Variants in TMEM121B observed in about 807,000 individuals in gnomAD.
TMEM121B encodes transmembrane protein 121B.
A neutral mutation model predicts 25.1 loss-of-function variants in TMEM121B; 14 were observed. The ratio of observed to expected loss-of-function variants is 0.56; its 90% CI spans 0.37 to 0.87. TMEM121B has a LOEUF of 0.87. Among genes scored for constraint, TMEM121B ranks in the 40% least tolerant of loss-of-function variants. TMEM121B has a pLI of 0.00. For synonymous variants in TMEM121B, 458 were observed against 420.9 expected (o/e 1.09, Z -1.08); for missense variants, 850 against 854.6 (o/e 0.99, Z 0.07).
rs764730634 is a variant in TMEM121B, at chr22:17,119,693, C to T, written c.1435G>A (p.Val479Met). ...LRLLGGCLVD[V>M]PLLALRCLLV... is the part of the protein sequence containing the mutation. ...AGGCAGCGCAGCGCCAGCAAGGGCA[C>T]GTCCACCAGGCAGCCGCCCAGCAGG... is the stretch of plus-strand genomic sequence containing the variant. The change falls in exon 1 of 1, where the codon GTG (valine) becomes ATG (methionine). Residue 479 changes from valine (V) to methionine (M), a missense_variant. Coordinates refer to ENST00000331437, the MANE Select transcript of TMEM121B (RefSeq NM_031890.4). 3 of 1,541,978 alleles carry T rather than the reference C, an allele frequency of 1.9e-6. No homozygotes were observed. In the African/African-American group the frequency reaches 4.1e-5, roughly 21 times the overall value.
At position 17,116,975 on chromosome 22, in the gene TMEM121B, C is replaced by CA. The variant is rs1344877427; in HGVS notation, c.*2415dup. The CA allele has an allele frequency of 6.6e-6, 1 of 152,388 alleles. No homozygotes were observed. Among genetic ancestry groups the CA allele is most frequent in the African/African-American group, 2.4e-5 (1 of 41,440 alleles). The allele number at this position is 152,388 out of a possible 1,614,324, so 9.4% of individuals were successfully genotyped here. A position where few individuals can be genotyped will look rare whatever the true frequency, so the allele number is the denominator to read the frequency against. On this transcript the variant is annotated 3_prime_UTR_variant, in exon 1 of 1. Transcript: ENST00000331437. ...TCACAGCCTCCCACCAAAAACCTAA[C>CA]AAACAGTACAGAGATTTTACAGTCA...
At position 17,121,271 on chromosome 22, in the gene TMEM121B, G is replaced by C; in HGVS notation, c.-144C>G. On this transcript the variant is annotated 5_prime_UTR_variant, in exon 1 of 1. In the 5' UTR this introduces an upstream ATG that the reference lacks. Coordinates refer to ENST00000331437, the MANE Select transcript of TMEM121B (RefSeq NM_031890.4). ...TCGCACCTGGGCCGGGCGGCGGCGA[G>C]ATCCGGACTGGAGCCACTGGACTGG... 9 of 807,932 alleles carry C rather than the reference G, an allele frequency of 1.1e-5. No individual in the cohort carries two copies. Among genetic ancestry groups the C allele is most frequent in the Non-Finnish European group, 1.5e-5 (9 of 603,422 alleles). The allele number at this position is 807,932 out of a possible 1,614,324, so 50.0% of individuals were successfully genotyped here.
Position 17,121,059 on chromosome 22 carries a change from T to G in TMEM121B, c.69A>C (p.Ala23=). ...GGAAGAGGGGCTGCAGCCGGGCGGC[T>G]GCCGGGGGCGGCGGGAAGGAACCGG... ...SASGSFPPPP[A]AARLQPLFLR... is the part of the protein sequence containing the mutation. The change falls in exon 1 of 1, where the codon GCA becomes GCC. Residue 23 remains alanine (A), a synonymous_variant. Transcript: ENST00000331437. 5 of 1,454,074 alleles carry G rather than the reference T, an allele frequency of 3.4e-6. No homozygotes were observed. The highest frequency in any genetic ancestry group is 4.5e-6 in the Non-Finnish European group (5 of 1,105,064). 90.1% of individuals were successfully genotyped at this position (1,454,074 alleles called of 1,614,324 possible).
chr22:17,120,575 C>T lies in TMEM121B; in HGVS notation c.553G>A (p.Gly185Ser). The T allele has an allele frequency of 2.0e-6, 3 of 1,471,914 alleles. No homozygotes were observed. Among genetic ancestry groups the T allele is most frequent in the South Asian group, 1.3e-5 (1 of 78,044 alleles). The allele number at this position is 1,471,914 out of a possible 1,614,324, so 91.2% of individuals were successfully genotyped here. The change falls in exon 1 of 1, where the codon GGT becomes AGT. Residue 185 changes from glycine to serine, a missense_variant. Transcript: ENST00000331437. ...CTGGGGGCGCAGCCGCGGCGCCGAC[C>T]TCTGCGGCCGGGGCGGTCTGGGCAG... ...CGCPDRPGRR[G>S]RRRGCAPSPR...
rs61741012 is a variant in TMEM121B at position 17,119,799 on chromosome 22, G to C, written c.1329C>G (p.Leu443=). The change falls in exon 1 of 1, where the codon CTC becomes CTG. Residue 443 remains leucine, a synonymous_variant. Coordinates refer to ENST00000331437, the MANE Select transcript of TMEM121B (RefSeq NM_031890.4). ...CTGCGGCCGCGGCGTTGAGCTCGTA[G>C]AGCCAGAGCACCGGCGAGGCGAGGG... The part of the protein sequence containing the change: ...FLTLASPVLW[L]YELNAAAAAA... 1 of 1,586,240 alleles carries C rather than the reference G, an allele frequency of 6.3e-7. No homozygotes were observed. Among genetic ancestry groups the C allele is most frequent in the Non-Finnish European group, 8.5e-7 (1 of 1,174,352 alleles).
In TMEM121B at chr22:17,121,041, G is replaced by A; in HGVS notation, c.87C>T (p.Pro29=). The A allele has an allele frequency of 6.8e-7, 1 of 1,463,994 alleles. No homozygotes were observed. Among genetic ancestry groups the A allele is most frequent in the Non-Finnish European group, 9.0e-7 (1 of 1,109,584 alleles). 90.7% of individuals were successfully genotyped at this position (1,463,994 alleles called of 1,614,324 possible). Residue 29 remains proline, a synonymous_variant, in exon 1 of 1, where the codon CCC becomes CCT. Coordinates refer to ENST00000331437, the MANE Select transcript of TMEM121B (RefSeq NM_031890.4). ...GGAAGGAGCCCCCGCGGAGGAAGAG[G>A]GGCTGCAGCCGGGCGGCTGCCGGGG... ...PPPPAAARLQ[P]LFLRGGSFRG...
chr22:17,119,257 G>A lies in TMEM121B; in HGVS notation c.*134C>T. The A allele has an allele frequency of 7.3e-7, 1 of 1,370,040 alleles. No individual in the cohort carries two copies. The highest frequency in any genetic ancestry group is 9.8e-7 in the Non-Finnish European group (1 of 1,015,998). 84.9% of individuals were successfully genotyped at this position (1,370,040 alleles called of 1,614,324 possible). On this transcript the variant is annotated 3_prime_UTR_variant, in exon 1 of 1. Coordinates refer to ENST00000331437, the MANE Select transcript of TMEM121B (RefSeq NM_031890.4). ...GCCGTCCTCACCCCAGGGTGCAGAA[G>A]AACACCCTGGCCCTTAGCCCTGAAA...
Position 17,117,463 on chromosome 22 carries a change from C to A in TMEM121B, c.*1928G>T, listed in dbSNP as rs1456504882. 1 of 152,654 alleles carries A rather than the reference C, an allele frequency of 6.6e-6. No homozygotes were observed. Among genetic ancestry groups the A allele is most frequent in the Non-Finnish European group, 1.5e-5 (1 of 68,068 alleles). The allele number at this position is 152,654 out of a possible 1,614,324, so 9.5% of individuals were successfully genotyped here. ...AAGGGTGTCTTCTGCTCCAAGCCCC[C>A]AAAACAGTTGTAAGAGGGGGCTTCA... On this transcript the variant is annotated 3_prime_UTR_variant, in exon 1 of 1. Coordinates refer to ENST00000331437, the MANE Select transcript of TMEM121B (RefSeq NM_031890.4).
At position 17,120,233 on chromosome 22, in the gene TMEM121B, C is replaced by G. The variant is rs535463176; in HGVS notation, c.895G>C (p.Gly299Arg). The G allele has an allele frequency of 7.8e-7, 1 of 1,281,760 alleles. No individual in the cohort carries two copies. The highest frequency in any genetic ancestry group is 9.8e-7 in the Non-Finnish European group (1 of 1,016,912). The allele number at this position is 1,281,760 out of a possible 1,614,324, so 79.4% of individuals were successfully genotyped here. Residue 299 changes from glycine (G) to arginine (R), a missense_variant, in exon 1 of 1, where the codon GGG (glycine) becomes CGG (arginine). By Grantham distance (125) the Gly-to-Arg change is moderately radical. Transcript: ENST00000331437. Reference sequence around the variant, plus strand: ...GCCGCGGCCGCCCCCAGGCCGCCCCCCGCGCCGCCGGCGCCCCCGCGGGCT... The same window carrying G: ...GCCGCGGCCGCCCCCAGGCCGCCCCGCGCGCCGCCGGCGCCCCCGCGGGCT... ...RGARGGAGGAGGGLGAAAAAG... is the reference protein window; with the variant it reads ...RGARGGAGGARGGLGAAAAAG...
rs764683551 is a variant in TMEM121B, at chr22:17,119,910, G to A, written c.1218C>T (p.Ser406=). The A allele has an allele frequency of 3.8e-6, 6 of 1,567,694 alleles. No individual in the cohort carries two copies. In the African/African-American group the frequency reaches 4.0e-5, roughly 11 times the overall value. The part of the protein sequence containing the change: ...FLGTCLDLLD[S]FTLVELMLEG... ...CCAGCATCAGCTCCACCAGCGTGAA[G>A]CTGTCGAGCAGGTCCAAGCACGTGC... Residue 406 remains serine, a synonymous_variant, in exon 1 of 1, where the codon AGC becomes AGT. Coordinates refer to ENST00000331437, the MANE Select transcript of TMEM121B (RefSeq NM_031890.4).
chr22:17,120,686 C>T lies in TMEM121B; in HGVS notation c.442G>A (p.Gly148Ser). The T allele has an allele frequency of 8.4e-7, 1 of 1,185,654 alleles. No individual in the cohort carries two copies. Among genetic ancestry groups the T allele is most frequent in the Non-Finnish European group, 1.0e-6 (1 of 959,232 alleles). 73.4% of individuals were successfully genotyped at this position (1,185,654 alleles called of 1,614,324 possible). A position where few individuals can be genotyped will look rare whatever the true frequency, so the allele number is the denominator to read the frequency against. Reference sequence around the variant, plus strand: ...CCCCCCGCCGAGCGGCTCCCGGGGCCCCCGACGGCCCCGGCCGCGGCGCCC... The same window carrying T: ...CCCCCCGCCGAGCGGCTCCCGGGGCTCCCGACGGCCCCGGCCGCGGCGCCC... ...GGGAAAGAVG[G>S]PGSRSAGGAG... is the part of the protein sequence containing the mutation. The change falls in exon 1 of 1, where the codon GGC becomes AGC. Residue 148 changes from glycine (G) to serine (S), a missense_variant. Physicochemically the swap from Gly to Ser is moderately conservative, Grantham distance 56. Coordinates refer to ENST00000331437, the MANE Select transcript of TMEM121B (RefSeq NM_031890.4).
chr22:17,116,329 G>T lies in TMEM121B; in HGVS notation c.*3062C>A, dbSNP rs1194024211. 1 of 152,480 alleles carries T rather than the reference G, an allele frequency of 6.6e-6. No homozygotes were observed. The highest frequency in any genetic ancestry group is 2.4e-5 in the African/African-American group (1 of 41,442). The allele number at this position is 152,480 out of a possible 1,614,324, so 9.4% of individuals were successfully genotyped here. A position where few individuals can be genotyped will look rare whatever the true frequency, so the allele number is the denominator to read the frequency against. On this transcript the variant is annotated 3_prime_UTR_variant, in exon 1 of 1. Transcript: ENST00000331437. The stretch of plus-strand genomic sequence containing the variant: ...TCTCAAGTTTTTTATTTTCAGAACA[G>T]AGTCTGGTTTTATTTTTAAAAAGAG...
Position 17,120,949 on chromosome 22 carries a change from C to T in TMEM121B, c.179G>A (p.Arg60Lys). The change falls in exon 1 of 1, where the codon AGA becomes AAA. Residue 60 changes from arginine to lysine, a missense_variant. Physicochemically the swap from Arg to Lys is conservative, Grantham distance 26. Transcript: ENST00000331437. ...CGGGGAGCCGCCGCCCCCGCCGCGT[C>T]TGCCGCCGCCTCCCCCGCGGCTGGT... ...TSTSRGGGGG[R>K]RGGGGGSPSS... 1.4e-6 allele frequency: 2 copies of T among 1,415,838 alleles called. No individual in the cohort carries two copies. Among genetic ancestry groups the T allele is most frequent in the Non-Finnish European group, 1.8e-6 (2 of 1,087,014 alleles). The allele number at this position is 1,415,838 out of a possible 1,614,324, so 87.7% of individuals were successfully genotyped here.
Position 17,120,740 on chromosome 22 carries a change from A to T in TMEM121B, c.388T>A (p.Cys130Ser), listed in dbSNP as rs2061495132. The T allele has an allele frequency of 9.1e-7, 1 of 1,100,888 alleles. No individual in the cohort carries two copies. The highest frequency in any genetic ancestry group is 1.1e-6 in the Non-Finnish European group (1 of 907,380). 68.2% of individuals were successfully genotyped at this position (1,100,888 alleles called of 1,614,324 possible). The change falls in exon 1 of 1, where the codon TGC becomes AGC. Residue 130 changes from cysteine to serine, a missense_variant. By Grantham distance (112) the Cys-to-Ser change is moderately radical. Transcript: ENST00000331437. ...CCGAAGTCCGCGGCTGTCATGCTGC[A>T]GGAGGAGGTGGGCGTGGAGGTGGAG... ...SSSTSTPTSS[C>S]SMTAADFGGG...
chr22:17,119,115 A>C lies in TMEM121B; in HGVS notation c.*276T>G. On this transcript the variant is annotated 3_prime_UTR_variant, in exon 1 of 1. Coordinates refer to ENST00000331437, the MANE Select transcript of TMEM121B (RefSeq NM_031890.4). ...GATGGGAATTAGAGTGGAGGTGGGC[A>C]AAGCAAGAAGCAGAGGTACCAGCCC... 1 of 398,990 alleles carries C rather than the reference A, an allele frequency of 2.5e-6. No individual in the cohort carries two copies. Among genetic ancestry groups the C allele is most frequent in the Non-Finnish European group, 4.5e-6 (1 of 221,982 alleles). 24.7% of individuals were successfully genotyped at this position (398,990 alleles called of 1,614,324 possible). A position where few individuals can be genotyped will look rare whatever the true frequency, so the allele number is the denominator to read the frequency against.
At position 17,120,457 on chromosome 22, in the gene TMEM121B, T is replaced by C; in HGVS notation, c.671A>G (p.Asp224Gly). 5.0e-6 allele frequency: 8 copies of C among 1,585,356 alleles called. No individual in the cohort carries two copies. Among genetic ancestry groups the C allele is most frequent in the Non-Finnish European group, 6.8e-6 (8 of 1,169,794 alleles). The stretch of plus-strand genomic sequence containing the variant: ...GGCGATCCAGGAGCACCAGTACAGG[T>C]CGGTGACGGCGATGAGGTACAGGTC... ...LLDLYLIAVT[D>G]LYWCSWIATD... The change falls in exon 1 of 1, where the codon GAC (aspartate) becomes GGC (glycine). Residue 224 changes from aspartate to glycine, a missense_variant. By Grantham distance (94) the Asp-to-Gly change is moderately conservative (BLOSUM62 -1). Transcript: ENST00000331437.
chr22:17,121,259 G>A lies in TMEM121B; in HGVS notation c.-132C>T, dbSNP rs1464284773. The A allele has an allele frequency of 3.3e-6, 3 of 909,492 alleles. No individual in the cohort carries two copies. The highest frequency in any genetic ancestry group is 4.3e-6 in the Non-Finnish European group (3 of 694,620). The allele number at this position is 909,492 out of a possible 1,614,324, so 56.3% of individuals were successfully genotyped here. Reference sequence around the variant, plus strand: ...AGCAGTGGGGACTCGCACCTGGGCCGGGCGGCGGCGAGATCCGGACTGGAG... The same window carrying A: ...AGCAGTGGGGACTCGCACCTGGGCCAGGCGGCGGCGAGATCCGGACTGGAG... On this transcript the variant is annotated 5_prime_UTR_variant, in exon 1 of 1. Coordinates refer to ENST00000331437, the MANE Select transcript of TMEM121B (RefSeq NM_031890.4).
Position 17,121,113 on chromosome 22 carries a change from G to A in TMEM121B, c.15C>T (p.Leu5=), listed in dbSNP as rs1474336273. 13 of 1,398,470 alleles carry A rather than the reference G, an allele frequency of 9.3e-6. No individual in the cohort carries two copies. The highest frequency in any genetic ancestry group is 2.8e-5 in the Admixed American group (1 of 35,202). The allele number at this position is 1,398,470 out of a possible 1,614,324, so 86.6% of individuals were successfully genotyped here. A position where few individuals can be genotyped will look rare whatever the true frequency, so the allele number is the denominator to read the frequency against. ...CGGAGGAGACCGAGCGAGGGTGGCCGAGCGCCGGGCGCATTGTCCTCCGAG... is the reference window on the plus strand; with the variant it reads ...CGGAGGAGACCGAGCGAGGGTGGCCAAGCGCCGGGCGCATTGTCCTCCGAG... MRPA[L]GHPRSVSSAS... The change falls in exon 1 of 1, where the codon CTC becomes CTT. Residue 5 remains leucine (L), a synonymous_variant. Coordinates refer to ENST00000331437, the MANE Select transcript of TMEM121B (RefSeq NM_031890.4).
At position 17,119,304 on chromosome 22, in the gene TMEM121B, A is replaced by G. The variant is rs2061483530; in HGVS notation, c.*87T>C. The G allele has an allele frequency of 6.6e-6, 10 of 1,516,382 alleles. No individual in the cohort carries two copies. In the South Asian group the frequency reaches 1.3e-4, roughly 20 times the overall value. The allele number at this position is 1,516,382 out of a possible 1,614,324, so 93.9% of individuals were successfully genotyped here. On this transcript the variant is annotated 3_prime_UTR_variant, in exon 1 of 1. Coordinates refer to ENST00000331437, the MANE Select transcript of TMEM121B (RefSeq NM_031890.4). Reference sequence around the variant, plus strand: ...GAAAAGGGTTACCTCTTCCAAATAGACCCTGATCAAATCTAGGTGACAGAA... The same window carrying G: ...GAAAAGGGTTACCTCTTCCAAATAGGCCCTGATCAAATCTAGGTGACAGAA...
Sources: gnomAD v4.1 joint callset for allele counts on GRCh38, gnomAD v4.1.1 for gene constraint, MANE v1.5 for transcripts, NCBI Gene and HGNC (gene_info 2026-07-23, HGNC 2026-07-21) for gene names.